Variants in SAXO1 observed in about 807,000 individuals in gnomAD.
The protein encoded by SAXO1 is 4930500O09Rik.
A neutral mutation model predicts 17.5 loss-of-function variants in SAXO1; 21 were observed. The ratio of observed to expected loss-of-function variants is 1.20; its 90% CI spans 0.85 to 1.72. The LOEUF (loss-of-function observed/expected upper bound fraction) is 1.72, where lower values mean the gene tolerates loss of function less well. Among genes scored for constraint, SAXO1 ranks in the 40% most tolerant of loss-of-function variants. The pLI is 0.00. For missense variants in SAXO1, 843 were observed against 596.0 expected, an observed-to-expected ratio of 1.41 and a Z score of -4.32; for synonymous variants, 274 against 216.5, an observed-to-expected ratio of 1.27 and a Z score of -2.33.
At chr9:19,027,166 G>T (rs867057082) in intron 1 of SAXO1, 1 of 1,189,746 alleles carries the variant, frequency 8.4e-7, no homozygotes, top group African/African-American at 1.5e-5. Context: ...GAGGAGGATG[G>T]TCCAAATATT....
chr9:18,993,951 T>G (rs893572642), intron 1 of SAXO1, among the ~76,000 whole-genome samples: 1 of 152,184 alleles, frequency 6.6e-6, no homozygotes, highest in South Asian at 2.1e-4. Context: ...TACCTGGCTT[T>G]CAAGAGGTTG....
intron 3 of SAXO1, among the ~76,000 whole-genome samples, chr9:18,930,955 G>C (rs964657972): frequency 2.4e-4 from 36 of 152,172 alleles, no homozygotes; most frequent in African/African-American, 8.4e-4. Flanking sequence ...AGAAAAAAAA[G>C]CTGCTTCCCA....
chr9:19,004,150 T>C (rs1012732325), intron 1 of SAXO1, among the ~76,000 whole-genome samples: 1 of 152,186 alleles, frequency 6.6e-6, no homozygotes, highest in African/African-American at 2.4e-5. Flanking sequence ...TCATCACTGG[T>C]CATTAGAGAA....
At chr9:19,043,708 C>T (rs552555895) in intron 1 of SAXO1, among the ~76,000 whole-genome samples, 4 of 151,732 alleles carry the variant, frequency 2.6e-5, no homozygotes, top group South Asian at 2.1e-4. Context: ...GTGGAAGCTG[C>T]GGTGAGCAGT....
intron 1 of SAXO1, chr9:19,027,873 G>T: frequency 7.3e-7 from 1 of 1,372,654 alleles, no homozygotes; most frequent in Non-Finnish European, 1.0e-6. Flanking sequence ...CGCTAGGGCG[G>T]CCTGGACCGC....
intron 3 of SAXO1, among the ~76,000 whole-genome samples, chr9:18,937,923 GA>G (rs1831367684): frequency 6.6e-6 from 1 of 152,166 alleles, no homozygotes; most frequent in Non-Finnish European, 1.5e-5. Context: ...AACCTCATAA[GA>G]CACACATGTT....
intron 3 of SAXO1, among the ~76,000 whole-genome samples, chr9:18,934,345 G>A (rs1460300535): frequency 6.6e-6 from 1 of 152,120 alleles, no homozygotes; most frequent in East Asian, 1.9e-4. Flanking sequence ...CACGAGTCTG[G>A]TTTGGACCTT....
At chr9:19,003,996 C>T (rs527356258) in intron 1 of SAXO1, among the ~76,000 whole-genome samples, 3 of 152,226 alleles carry the variant, frequency 2.0e-5, no homozygotes, top group African/African-American at 7.2e-5. Context: ...ATCCATCTAA[C>T]AAAGGACTTA....
At chr9:18,965,367 A>G (rs1391862657) in intron 1 of SAXO1, among the ~76,000 whole-genome samples, 1 of 152,134 alleles carries the variant, frequency 6.6e-6, no homozygotes, top group Non-Finnish European at 1.5e-5. Flanking sequence ...GTCTTCCACT[A>G]TTATTGTGTG....
At chr9:19,016,099 A>G (rs1255734744) in intron 1 of SAXO1, among the ~76,000 whole-genome samples, 2 of 152,192 alleles carry the variant, frequency 1.3e-5, no homozygotes, top group Non-Finnish European at 2.9e-5. Context: ...GGACAATAAT[A>G]TAAGATCCAT....
At chr9:19,002,467 C>T (rs1242467003) in intron 1 of SAXO1, among the ~76,000 whole-genome samples, 2 of 152,198 alleles carry the variant, frequency 1.3e-5, no homozygotes, top group Non-Finnish European at 2.9e-5. Flanking sequence ...GCCAATATCC[C>T]TGATGAACAT....
rs1204055023 is a variant in SAXO1, at chr9:18,927,877, T to A, written c.*175A>T. 6.2e-6 allele frequency: 4 copies of A among 642,622 alleles called. No individual in the cohort carries two copies. The Admixed American group carries it at 1.0e-4, about 16-fold the overall frequency. The allele number at this position is 642,622 out of a possible 1,614,324, so 39.8% of individuals were successfully genotyped here. On this transcript the variant is annotated 3_prime_UTR_variant, in exon 4 of 4. Coordinates refer to ENST00000380534, the MANE Select transcript of SAXO1 (RefSeq NM_153707.4). ...GGGAGTTAATTAGCCGGTGATTAAA[T>A]GTCATTTTCCCTGAGTCAAGTGATT... is the stretch of plus-strand genomic sequence containing the variant.
intron 1 of SAXO1, among the ~76,000 whole-genome samples, chr9:18,953,070 A>G (rs1832103685): frequency 6.6e-6 from 1 of 152,238 alleles, no homozygotes; most frequent in Non-Finnish European, 1.5e-5. Flanking sequence ...TAAGCCAACT[A>G]GTACCCTATC....
chr9:19,045,464 G>A (rs1836192207), intron 1 of SAXO1, among the ~76,000 whole-genome samples: 1 of 152,070 alleles, frequency 6.6e-6, no homozygotes, highest in Non-Finnish European at 1.5e-5. Context: ...TAAAACAGGG[G>A]GTCTCTGGAC....
chr9:18,951,216 T>A (rs951432291), intron 1 of SAXO1, among the ~76,000 whole-genome samples: 1 of 152,094 alleles, frequency 6.6e-6, no homozygotes, highest in Non-Finnish European at 1.5e-5. Context: ...AGGGAAATAT[T>A]TCCATACCAT....
intron 1 of SAXO1, among the ~76,000 whole-genome samples, chr9:18,992,744 G>A (rs1455463565): frequency 6.6e-6 from 1 of 151,746 alleles, no homozygotes; most frequent in Non-Finnish European, 1.5e-5. Context: ...ACGATCTCAT[G>A]AGTGTGTATA....
chr9:19,004,526 C>T (rs1036447146), intron 1 of SAXO1, among the ~76,000 whole-genome samples: 8 of 152,182 alleles, frequency 5.3e-5, no homozygotes, highest in Non-Finnish European at 1.2e-4. Flanking sequence ...CCATGGAATA[C>T]TATGCAGCCA....
intron 1 of SAXO1, among the ~76,000 whole-genome samples, chr9:18,954,470 G>A (rs1588434056): frequency 6.6e-6 from 1 of 151,906 alleles, no homozygotes; most frequent in Admixed American, 6.6e-5. Context: ...CCAAGTAGCT[G>A]GGACCACAGA....
chr9:19,040,776 T>C (rs182538979), intron 1 of SAXO1, among the ~76,000 whole-genome samples: 295 of 152,294 alleles, frequency 1.9e-3, no homozygotes, highest in African/African-American at 6.9e-3. Context: ...AGCAGTTGCC[T>C]GGGTCTCAGG....
Sources: gnomAD v4.1 joint callset for allele counts (sites outside exome capture counted in the v4.1 genomes callset) on GRCh38, gnomAD v4.1.1 for gene constraint, MANE v1.5 for transcripts, NCBI Gene and HGNC (gene_info 2026-07-23, HGNC 2026-07-21) for gene names.